PHKA2: variants seen among roughly 807,000 people sequenced by gnomAD.
The protein encoded by PHKA2 is phosphorylase kinase regulatory subunit alpha 2, also known as phosphorylase b kinase regulatory subunit alpha, liver isoform.
Under a neutral mutation model 102.0 loss-of-function variants are expected in PHKA2, and 31 were observed. The observed-to-expected ratio is 0.30, with a 90% confidence interval of 0.23 to 0.41. The LOEUF (loss-of-function observed/expected upper bound fraction) is 0.41, where lower values mean the gene tolerates loss of function less well. PHKA2 is among the 10% of genes least tolerant of loss of function. The pLI is 1.00. For synonymous variants in PHKA2, 455 were observed against 416.2 expected (o/e 1.09, Z -1.13); for missense variants, 858 against 1,023.1 (o/e 0.84, Z 2.20).
chrX:18,953,587 A>C (rs139469262), intron 2 of PHKA2, among the ~76,000 whole-genome samples: 1,346 of 112,410 alleles, frequency 0.012, 14 homozygotes, highest in African/African-American at 0.041. Flanking sequence ...ACTTTTAAAA[A>C]ACATATCAGT....
At position 18,933,020 on chromosome X, in the gene PHKA2, A is replaced by C. The variant is rs189003078; in HGVS notation, c.1138-1272T>G. Among the ~76,000 whole-genome samples the C allele has an allele frequency of 2.4e-4, 26 of 110,319 alleles. No homozygotes were observed. The East Asian group carries it at 4.3e-3, about 18-fold the overall frequency. ...TCCCAGCTACTCAGGAGGCTGAGGC[A>C]GGAGAATCACGTGAACCTGAGAGGC... On this transcript the variant is annotated intron_variant, in intron 11 of 32. Transcript: ENST00000379942.
intron 3 of PHKA2, among the ~76,000 whole-genome samples, chrX:18,951,556 T>C (rs1274641621): frequency 9.1e-6 from 1 of 110,210 alleles, no homozygotes; most frequent in Non-Finnish European, 1.9e-5. Context: ...TGACACACGG[T>C]AGATACTCAA....
At chrX:18,952,642 C>T (rs1271866800) in intron 2 of PHKA2, 101 bp from the exon 3 acceptor site, 13 of 810,952 alleles carry the variant, frequency 1.6e-5, no homozygotes, top group Non-Finnish European at 2.0e-5. Flanking sequence ...TGCCCAGCAA[C>T]TGCCCTGGAA....
At chrX:18,900,326 C>T (rs182298072) in intron 28 of PHKA2, among the ~76,000 whole-genome samples, 47 of 111,542 alleles carry the variant, frequency 4.2e-4, no homozygotes, top group Non-Finnish European at 5.8e-4. Context: ...GGAATAGCAG[C>T]ATTCTTTCTA....
At chrX:18,896,642 G>A (rs939561729) in intron 30 of PHKA2, 2 of 168,875 alleles carry the variant, frequency 1.2e-5, no homozygotes, top group Admixed American at 7.3e-5. Flanking sequence ...CTGCCTGGAT[G>A]TGCGGGAGGC....
intron 18 of PHKA2, among the ~76,000 whole-genome samples, chrX:18,919,092 A>T (rs6633170): frequency 5.0e-4 from 55 of 110,534 alleles, no homozygotes; most frequent in African/African-American, 1.5e-3. Flanking sequence ...AAAAACTACC[A>T]GTCAAGATAG....
In PHKA2 at chrX:18,903,338, G is replaced by C. The variant is rs181617225; in HGVS notation, c.2909-1735C>G. 1.3e-3 allele frequency among the ~76,000 whole-genome samples: 145 copies of C among 112,374 alleles called. 1 individual carries two copies. Among genetic ancestry groups the C allele is most frequent in the Admixed American group, 2.4e-3 (26 of 10,693 alleles). On this transcript the variant is annotated intron_variant, in intron 26 of 32. Coordinates refer to ENST00000379942, the MANE Select transcript of PHKA2 (RefSeq NM_000292.3). ...AGGGTTCGTCATGACTAATGTGTAG[G>C]ACCCACATGGACCTTGCTGGGCTCT...
chrX:18,967,449 T>C (rs2048961088), intron 1 of PHKA2, among the ~76,000 whole-genome samples: 1 of 110,449 alleles, frequency 9.1e-6, no homozygotes. Flanking sequence ...AGTCTGAAAG[T>C]GGAAGCAGGG....
chrX:18,976,849 T>C (rs1358011610), intron 1 of PHKA2, among the ~76,000 whole-genome samples: 1 of 111,744 alleles, frequency 8.9e-6, no homozygotes. Flanking sequence ...TATTTACTAG[T>C]CTTTTCAAAA....
chrX:18,901,048 T>C (rs1601701183), intron 27 of PHKA2, among the ~76,000 whole-genome samples: 1 of 105,110 alleles, frequency 9.5e-6, no homozygotes, highest in South Asian at 4.4e-4. Flanking sequence ...AAAGGTGAAC[T>C]AAGAAAAGAG....
chrX:18,901,607 G>A lies in PHKA2; in HGVS notation c.2909-4C>T, dbSNP rs2047682659. The A allele has an allele frequency of 1.8e-6, 2 of 1,127,298 alleles. No individual in the cohort carries two copies. Among genetic ancestry groups the A allele is most frequent in the Non-Finnish European group, 2.4e-6 (2 of 820,861 alleles). 92.9% of individuals were successfully genotyped at this position (1,127,298 alleles called of 1,213,427 possible). On this transcript the variant is annotated splice_polypyrimidine_tract_variant and splice_region_variant and intron_variant, in intron 26 of 32. Transcript: ENST00000379942. ...GTGGAGGAGTGGATAGGGCGCACTG[G>A]GTGGGAAACACACACACGTGGTTCT...
In PHKA2 at chrX:18,906,224, C is replaced by T. The variant is rs192448206; in HGVS notation, c.2806+271G>A. Among the ~76,000 whole-genome samples the T allele has an allele frequency of 4.4e-3, 497 of 112,013 alleles. 2 individuals carry two copies. The highest frequency in any genetic ancestry group is 6.6e-3 in the Non-Finnish European group (353 of 53,155). On this transcript the variant is annotated intron_variant, in intron 25 of 32. Coordinates refer to ENST00000379942, the MANE Select transcript of PHKA2 (RefSeq NM_000292.3). ...GGCATCCAGGAAGGAGCTTAGATGT[C>T]GGGTACAGGGCGGAAGATTCCACAT... is the stretch of plus-strand genomic sequence containing the variant.
At chrX:18,917,849 G>C (rs185590070) in intron 19 of PHKA2, among the ~76,000 whole-genome samples, 1 of 110,594 alleles carries the variant, frequency 9.0e-6, no homozygotes, top group East Asian at 2.9e-4. Context: ...CCAGAAGGGG[G>C]CAGAGGGCAG....
intron 26 of PHKA2, among the ~76,000 whole-genome samples, chrX:18,902,076 T>C (rs1218438810): frequency 1.8e-5 from 2 of 110,914 alleles, no homozygotes; most frequent in Non-Finnish European, 3.8e-5. Flanking sequence ...CTCCTGACCT[T>C]GTGATCCGCC....
intron 28 of PHKA2, among the ~76,000 whole-genome samples, chrX:18,899,951 A>G (rs1362747864): frequency 8.9e-6 from 1 of 111,993 alleles, no homozygotes; most frequent in African/African-American, 3.2e-5. Flanking sequence ...AACAGCATGA[A>G]ATAGAGGCGG....
At chrX:18,948,009 G>T (rs2048613288) in intron 5 of PHKA2, among the ~76,000 whole-genome samples, 1 of 111,410 alleles carries the variant, frequency 9.0e-6, no homozygotes, top group African/African-American at 3.3e-5. Context: ...GGGAAAGTGT[G>T]GGAAGCGGGA....
intron 17 of PHKA2, among the ~76,000 whole-genome samples, chrX:18,921,733 C>T (rs997307330): frequency 1.8e-5 from 2 of 111,258 alleles, no homozygotes; most frequent in South Asian, 7.5e-4. Flanking sequence ...TCCAGCTCAG[C>T]ACCAGGGCTT....
At chrX:18,945,991 G>A (rs998537562) in intron 5 of PHKA2, among the ~76,000 whole-genome samples, 1 of 109,175 alleles carries the variant, frequency 9.2e-6, no homozygotes, top group Admixed American at 9.8e-5. Flanking sequence ...GCAGTGGCGC[G>A]ATCTCAGCTC....
At chrX:18,968,313 G>A in intron 1 of PHKA2, among the ~76,000 whole-genome samples, 1 of 112,278 alleles carries the variant, frequency 8.9e-6, no homozygotes, top group Non-Finnish European at 1.9e-5. Context: ...TCTCTTTAAT[G>A]TCCGGCTTAA....
Sources: allele counts gnomAD v4.1 joint callset (sites outside exome capture counted in the v4.1 genomes callset), GRCh38; gene constraint gnomAD v4.1.1; transcripts MANE v1.5; gene names NCBI Gene and HGNC (gene_info 2026-07-23, HGNC 2026-07-21).